Variants in PRDM16 observed in about 807,000 individuals in gnomAD.
PRDM16 encodes the protein PR/SET domain 16, also known as histone-lysine N-methyltransferase PRDM16.
PRDM16 carries 23 observed loss-of-function variants against 110.6 expected under a neutral mutation model. The observed-to-expected ratio is 0.21, with a 90% confidence interval of 0.15 to 0.29. The LOEUF (loss-of-function observed/expected upper bound fraction) is 0.29, where lower values mean the gene tolerates loss of function less well. PRDM16 is among the 10% of genes least tolerant of loss of function. PRDM16 has a pLI of 1.00. For missense variants in PRDM16, 1,615 were observed against 1,794.3 expected, an observed-to-expected ratio of 0.90 and a Z score of 1.81; for synonymous variants, 799 against 781.8, an observed-to-expected ratio of 1.02 and a Z score of -0.37.
intron 2 of PRDM16, among the ~76,000 whole-genome samples, chr1:3,189,522 G>A (rs1638245088): frequency 6.6e-6 from 1 of 152,238 alleles, no homozygotes; most frequent in African/African-American, 2.4e-5. Context: ...TGATGGTCCT[G>A]AATTTCATAT....
rs77856152 is a variant in PRDM16, at chr1:3,239,092, C to T, written c.388-4995C>T. Among the ~76,000 whole-genome samples the T allele has an allele frequency of 2.7e-3, 416 of 152,350 alleles. 1 individual carries two copies. Among genetic ancestry groups the T allele is most frequent in the African/African-American group, 9.2e-3 (384 of 41,584 alleles). On this transcript the variant is annotated intron_variant, in intron 2 of 16. Transcript: ENST00000270722. ...TGCCATCACCTTGATGCAACATTTA[C>T]ACCAGGGAAATTGGCAGCACCCACG... is the stretch of plus-strand genomic sequence containing the variant.
intron 1 of PRDM16, among the ~76,000 whole-genome samples, chr1:3,099,507 G>C (rs1265884485): frequency 1.3e-5 from 2 of 152,246 alleles, no homozygotes; most frequent in Non-Finnish European, 2.9e-5. Context: ...TGGGGGGCAA[G>C]GGTCCTGGCA....
intron 3 of PRDM16, among the ~76,000 whole-genome samples, chr1:3,335,117 G>T (rs553936239): frequency 1.3e-5 from 2 of 152,204 alleles, no homozygotes; most frequent in Admixed American, 6.5e-5. Context: ...GAGAGAACTC[G>T]CTTCAAGGCC....
At chr1:3,313,488 A>G (rs1388563065) in intron 3 of PRDM16, among the ~76,000 whole-genome samples, 1 of 152,178 alleles carries the variant, frequency 6.6e-6, no homozygotes, top group Non-Finnish European at 1.5e-5. Flanking sequence ...CCCCACCCCC[A>G]CAGGCATCCA....
intron 3 of PRDM16, among the ~76,000 whole-genome samples, chr1:3,368,737 C>T (rs1642859897): frequency 6.6e-6 from 1 of 152,158 alleles, no homozygotes; most frequent in Non-Finnish European, 1.5e-5. Context: ...CTGGTAACAT[C>T]AATAGAGGCA....
intron 1 of PRDM16, among the ~76,000 whole-genome samples, chr1:3,130,778 C>CG (rs1367778702): frequency 8.3e-6 from 1 of 120,864 alleles, no homozygotes; most frequent in Non-Finnish European, 1.7e-5. Flanking sequence ...TTCCTTGGTG[C>CG]GGGGGCGGTG....
chr1:3,411,958 T>C lies in PRDM16; in HGVS notation c.1761T>C (p.Cys587=), dbSNP rs1390335182. ...TCGAGAGCCGCCTGGAGGACTCCTG[T>C]GTGGAGAAGCTGAAGACCAGGAGCA... ...EKFESRLEDS[C]VEKLKTRSSD... is the part of the protein sequence containing the mutation. The change falls in exon 9 of 17, where the codon TGT becomes TGC. Residue 587 remains cysteine (C), a synonymous_variant. Coordinates refer to ENST00000270722, the MANE Select transcript of PRDM16 (RefSeq NM_022114.4). 8.1e-6 allele frequency: 13 copies of C among 1,613,364 alleles called. No individual in the cohort carries two copies. Among genetic ancestry groups the C allele is most frequent in the Admixed American group, 3.3e-5 (2 of 59,984 alleles).
chr1:3,161,998 G>A (rs1340257106), intron 1 of PRDM16, among the ~76,000 whole-genome samples: 1 of 152,212 alleles, frequency 6.6e-6, no homozygotes, highest in Non-Finnish European at 1.5e-5. Flanking sequence ...AGGGTGGCTC[G>A]GCCCCTCCAC....
At chr1:3,393,130 C>T (rs879535199) in intron 4 of PRDM16, among the ~76,000 whole-genome samples, 4 of 152,212 alleles carry the variant, frequency 2.6e-5, no homozygotes, top group Admixed American at 6.5e-5. Flanking sequence ...TAAGAGGGTT[C>T]CCCACCCTCT....
chr1:3,417,902 G>A lies in PRDM16; in HGVS notation c.2766G>A (p.Leu922=), dbSNP rs2100675992. The A allele has an allele frequency of 6.2e-7, 1 of 1,613,254 alleles. No individual in the cohort carries two copies. Among genetic ancestry groups the A allele is most frequent in the African/African-American group, 1.3e-5 (1 of 75,046 alleles). Reference sequence around the variant, plus strand: ...TGAAGGCGGACTCGGGCAGCTCCCTGCAGCCCCTCCCCCACCACCCCTTCA... The same window carrying A: ...TGAAGGCGGACTCGGGCAGCTCCCTACAGCCCCTCCCCCACCACCCCTTCA... ...AAMKADSGSS[L]QPLPHHPFNF... is the part of the protein sequence containing the mutation. The change falls in exon 11 of 17, where the codon CTG becomes CTA. Residue 922 remains leucine (L), a synonymous_variant. Coordinates refer to ENST00000270722, the MANE Select transcript of PRDM16 (RefSeq NM_022114.4).
intron 1 of PRDM16, among the ~76,000 whole-genome samples, chr1:3,160,307 A>G (rs1569720832): frequency 6.6e-6 from 1 of 152,154 alleles, no homozygotes; most frequent in Admixed American, 6.5e-5. Context: ...TTGCGCCTCC[A>G]GTATGACCAC....
intron 5 of PRDM16, among the ~76,000 whole-genome samples, chr1:3,398,066 G>A (rs534675789): frequency 6.6e-6 from 1 of 152,128 alleles, no homozygotes; most frequent in African/African-American, 2.4e-5. Context: ...TGGATAGCAG[G>A]GGGGAGGGCC....
chr1:3,206,192 C>T lies in PRDM16; in HGVS notation c.387+19718C>T, dbSNP rs2100836527. The T allele has an allele frequency of 6.6e-6, 1 of 152,396 alleles. No individual in the cohort carries two copies. The highest frequency in any genetic ancestry group is 2.4e-5 in the African/African-American group (1 of 41,542). The allele number at this position is 152,396 out of a possible 1,614,324, so 9.4% of individuals were successfully genotyped here. ...CTACTCTGGGAGAACCAACACCCCA[C>T]ACTAAGCCAGTGGCCCACACTGACC... On this transcript the variant is annotated intron_variant, in intron 2 of 16. Transcript: ENST00000270722. This position sits in a 1 kb window ranked among gnomAD's most constrained non-coding sequence, Gnocchi z 4.9.
chr1:3,403,245 A>G (rs1474944939), intron 6 of PRDM16, among the ~76,000 whole-genome samples: 1 of 152,114 alleles, frequency 6.6e-6, no homozygotes, highest in East Asian at 1.9e-4. Context: ...CCTGGCTCCG[A>G]CCGCAAATGT....
chr1:3,222,106 G>A (rs1639163902), intron 2 of PRDM16, among the ~76,000 whole-genome samples: 1 of 152,228 alleles, frequency 6.6e-6, no homozygotes, highest in Non-Finnish European at 1.5e-5. Flanking sequence ...AGGAGGGGCT[G>A]TTGCAGGTGC....
At chr1:3,182,269 C>T (rs1024536587) in intron 1 of PRDM16, among the ~76,000 whole-genome samples, 1 of 152,242 alleles carries the variant, frequency 6.6e-6, no homozygotes, top group Non-Finnish European at 1.5e-5. Context: ...TGACACAGAG[C>T]CGCTCGGCGC....
chr1:3,432,166 C>G (rs370855247), intron 16 of PRDM16, 26 bp downstream of exon 16: 1 of 1,603,308 alleles, frequency 6.2e-7, no homozygotes, highest in Non-Finnish European at 8.5e-7. Flanking sequence ...AGCCCCTCCC[C>G]CACCCCACCT....
Position 3,350,508 on chromosome 1 carries a change from T to A in PRDM16, c.439-34644T>A, listed in dbSNP as rs931086978. Among the ~76,000 whole-genome samples, 4 of 152,014 alleles carry A rather than the reference T, an allele frequency of 2.6e-5. No individual in the cohort carries two copies. The highest frequency in any genetic ancestry group is 9.7e-5 in the African/African-American group (4 of 41,400). ...GATCCAGACATAATGTGTGTTAAGA[T>A]CAAGGGCCCCGGGCTGATGTGGCCT... On this transcript the variant is annotated intron_variant, in intron 3 of 16. Coordinates refer to ENST00000270722, the MANE Select transcript of PRDM16 (RefSeq NM_022114.4). This position sits in a 1 kb window ranked among gnomAD's most constrained non-coding sequence, Gnocchi z 7.1.
intron 3 of PRDM16, among the ~76,000 whole-genome samples, chr1:3,313,827 C>T (rs1465256222): frequency 1.3e-5 from 2 of 152,244 alleles, no homozygotes; most frequent in East Asian, 3.9e-4. Flanking sequence ...CAGCAGGAAG[C>T]CTTGTAGTGC....
Sources: gnomAD v4.1 joint callset for allele counts (sites outside exome capture counted in the v4.1 genomes callset) on GRCh38, gnomAD v4.1.1 for gene constraint, Gnocchi (gnomAD v3.1) non-coding constraint, MANE v1.5 for transcripts, NCBI Gene and HGNC (gene_info 2026-07-23, HGNC 2026-07-21) for gene names.